CSMD2: variants seen among roughly 807,000 people sequenced by gnomAD.
CSMD2 encodes CUB and sushi domain-containing protein 2.
CSMD2 carries 130 observed loss-of-function variants against 398.5 expected under a neutral mutation model. The observed-to-expected ratio is 0.33, with a 90% CI of 0.28 to 0.38. CSMD2 has a LOEUF of 0.38. Ranked by LOEUF, CSMD2 falls within the 10% of genes least tolerant of loss-of-function variation. The pLI, the probability that CSMD2 is intolerant of heterozygous loss-of-function variation, is 1.00. For missense variants in CSMD2, 3,829 were observed against 4,764.9 expected (o/e 0.80, Z 5.78); for synonymous variants, 1,828 against 1,908.5 (o/e 0.96, Z 1.10).
At chr1:33,710,931 G>A (rs766141821) in intron 21 of CSMD2, among the ~76,000 whole-genome samples, 1 of 152,172 alleles carries the variant, frequency 6.6e-6, no homozygotes, top group African/African-American at 2.4e-5. Context: ...TTCAGGACCA[G>A]CTTCAGTTTC....
chr1:33,678,279 C>A (rs901532955), intron 25 of CSMD2, among the ~76,000 whole-genome samples: 1 of 145,256 alleles, frequency 6.9e-6, no homozygotes, highest in Non-Finnish European at 1.5e-5. Context: ...GCTTGTAGAA[C>A]CATGAGCCAA....
chr1:33,548,723 T>C (rs1001815483), intron 56 of CSMD2, among the ~76,000 whole-genome samples: 3 of 152,254 alleles, frequency 2.0e-5, no homozygotes, highest in African/African-American at 7.2e-5. Context: ...CCAAGGGATT[T>C]AAGGTTCACT....
At chr1:33,969,750 T>C (rs1438685815) in intron 3 of CSMD2, among the ~76,000 whole-genome samples, 1 of 151,916 alleles carries the variant, frequency 6.6e-6, no homozygotes, top group East Asian at 1.9e-4. Flanking sequence ...AATGAATGAA[T>C]GAGTGAGTGA....
chr1:34,113,225 A>T (rs922238241), intron 1 of CSMD2, among the ~76,000 whole-genome samples: 10 of 152,182 alleles, frequency 6.6e-5, no homozygotes, highest in African/African-American at 2.2e-4. Context: ...TCTTAGGATC[A>T]AGAGGTATTT....
intron 1 of CSMD2, among the ~76,000 whole-genome samples, chr1:34,099,712 G>C (rs1292393149): frequency 6.6e-6 from 1 of 152,238 alleles, no homozygotes; most frequent in Admixed American, 6.5e-5. Flanking sequence ...TCAATGTGGT[G>C]AACAGCACAG....
chr1:33,619,829 A>C (rs1359301746), intron 37 of CSMD2, among the ~76,000 whole-genome samples: 5 of 152,174 alleles, frequency 3.3e-5, no homozygotes, highest in Admixed American at 1.3e-4. Flanking sequence ...ATTAAAAAAA[A>C]CCCATCAAAC....
chr1:33,793,844 T>C (rs1256046030), intron 10 of CSMD2, among the ~76,000 whole-genome samples: 1 of 152,054 alleles, frequency 6.6e-6, no homozygotes, highest in Non-Finnish European at 1.5e-5. Flanking sequence ...CCAGGATAAG[T>C]TGCAGGTTTC....
At chr1:33,780,649 CAAATTTTA>C (rs1652625308) in intron 12 of CSMD2, among the ~76,000 whole-genome samples, 1 of 152,186 alleles carries the variant, frequency 6.6e-6, no homozygotes, top group Non-Finnish European at 1.5e-5. Context: ...TACTTTCTAC[CAAATTTTA>C]ATGCGGCAGC....
chr1:34,103,137 T>A (rs1281824882), intron 1 of CSMD2, among the ~76,000 whole-genome samples: 1 of 152,016 alleles, frequency 6.6e-6, no homozygotes, highest in African/African-American at 2.4e-5. Context: ...TCAAACTCAT[T>A]ACCTTCTCCA....
At chr1:34,135,286 A>ACACACACACAC (rs1638618735) in intron 1 of CSMD2, among the ~76,000 whole-genome samples, 2 of 148,828 alleles carry the variant, frequency 1.3e-5, no homozygotes, top group East Asian at 2.0e-4. Context: ...ACACACACAC[A>ACACACACACAC]ATTATTTTGT....
intron 1 of CSMD2, among the ~76,000 whole-genome samples, chr1:34,141,726 G>A (rs1340016672): frequency 6.6e-6 from 1 of 152,170 alleles, no homozygotes; most frequent in African/African-American, 2.4e-5. Context: ...TGATGCCAGG[G>A]GAATGAATGA....
chr1:33,606,652 T>C (rs1640633654), intron 41 of CSMD2, among the ~76,000 whole-genome samples: 1 of 152,084 alleles, frequency 6.6e-6, no homozygotes, highest in African/African-American at 2.4e-5. Flanking sequence ...GGCAACCCAA[T>C]GGGATGGGTT....
chr1:33,540,764 A>G (rs1257276112), intron 59 of CSMD2, 66 bp from the exon 60 acceptor site: 38 of 1,574,436 alleles, frequency 2.4e-5, no homozygotes, highest in Admixed American at 1.0e-4. Flanking sequence ...CGTCACCATC[A>G]TTGATATCAC....
intron 11 of CSMD2, 125 bp downstream of exon 11, chr1:33,792,298 G>A: frequency 1.4e-6 from 1 of 712,486 alleles, no homozygotes; most frequent in Non-Finnish European, 2.6e-6. Context: ...GCTGAAACTA[G>A]GAACATTGCA....
At chr1:33,841,454 T>C (rs909120082) in intron 6 of CSMD2, among the ~76,000 whole-genome samples, 1 of 152,192 alleles carries the variant, frequency 6.6e-6, no homozygotes, top group African/African-American at 2.4e-5. Context: ...AGCCCCTCTC[T>C]ACAGATGAGG....
chr1:33,999,494 C>T (rs1646831022), intron 3 of CSMD2, among the ~76,000 whole-genome samples: 1 of 152,136 alleles, frequency 6.6e-6, no homozygotes, highest in South Asian at 2.1e-4. Flanking sequence ...CTCCTGGGCT[C>T]AAGGGATCCT....
At chr1:33,860,294 C>T (rs1179268496) in intron 5 of CSMD2, among the ~76,000 whole-genome samples, 2 of 152,168 alleles carry the variant, frequency 1.3e-5, no homozygotes, top group South Asian at 2.1e-4. Context: ...GGGTACTGAT[C>T]AGGTATTTGG....
At chr1:33,557,172 T>G (rs1658075011) in intron 55 of CSMD2, among the ~76,000 whole-genome samples, 1 of 152,196 alleles carries the variant, frequency 6.6e-6, no homozygotes, top group South Asian at 2.1e-4. Context: ...CCTTTAATCC[T>G]CTAATAACCC....
intron 29 of CSMD2, among the ~76,000 whole-genome samples, chr1:33,641,757 C>T (rs1643120631): frequency 6.6e-6 from 1 of 152,234 alleles, no homozygotes; most frequent in African/African-American, 2.4e-5. Flanking sequence ...GGGCTTCCAA[C>T]ATCTCATCTA....
Sources: allele counts gnomAD v4.1 joint callset (sites outside exome capture counted in the v4.1 genomes callset), GRCh38; gene constraint gnomAD v4.1.1; transcripts MANE v1.5; gene names NCBI Gene and HGNC (gene_info 2026-07-23, HGNC 2026-07-21).